SLC12A7: variants seen among roughly 807,000 people sequenced by gnomAD.
SLC12A7 encodes the protein solute carrier family 12 member 7.
A neutral mutation model predicts 120.6 loss-of-function variants in SLC12A7; 100 were observed. The ratio of observed to expected loss-of-function variants is 0.83; its 90% CI spans 0.71 to 0.98. SLC12A7 has a LOEUF of 0.98. Among genes scored for constraint, SLC12A7 ranks in the 50% least tolerant of loss-of-function variants. The probability of loss-of-function intolerance (pLI) is 0.00; values close to 1 mark genes in which losing one functional copy is unlikely to be tolerated. For missense variants in SLC12A7, 1,373 were observed against 1,548.1 expected, an observed-to-expected ratio of 0.89 and a Z score of 1.90; for synonymous variants, 760 against 678.0, an observed-to-expected ratio of 1.12 and a Z score of -1.88.
In SLC12A7 at chr5:1,081,713, C is replaced by T. The variant is rs1429296618; in HGVS notation, c.1161G>A (p.Gly387=). The T allele has an allele frequency of 3.7e-6, 6 of 1,612,858 alleles. No individual in the cohort carries two copies. The highest frequency in any genetic ancestry group is 3.3e-5 in the Admixed American group (2 of 60,014). Residue 387 remains glycine, a synonymous_variant, in exon 9 of 24, where the codon GGG becomes GGA. Transcript: ENST00000264930. ...ENLWSTYAHA[G]AFVEKKGVPS... ...GCACACCTTTCTTCTCCACAAACGC[C>T]CCCGCGTGCGCGTACGTACTCCACA...
At chr5:1,151,209 G>C in the SLC12A7 span, among the ~76,000 whole-genome samples, 10 of 152,366 alleles carry the variant, frequency 6.6e-5, no homozygotes, top group South Asian at 2.1e-4. The surrounding 1 kb of genome is among the most constrained non-coding windows in gnomAD (Gnocchi z 6.2). Context: ...TTCCCAGCCA[G>C]AGCAGTTTCC....
intron 1 of SLC12A7, among the ~76,000 whole-genome samples, chr5:1,098,107 C>T (rs1741495766): frequency 7.0e-6 from 1 of 143,090 alleles, no homozygotes; most frequent in East Asian, 2.1e-4. Context: ...CTCTGCACAC[C>T]CAGCCCCCCT....
chr5:1,140,702 G>A, the SLC12A7 span, among the ~76,000 whole-genome samples: 13 of 152,250 alleles, frequency 8.5e-5, no homozygotes, highest in South Asian at 4.1e-4. Context: ...AACGAGAGGC[G>A]CAAGGGCGGA....
Position 1,052,093 on chromosome 5 carries a change from A to G in SLC12A7, c.*267T>C, listed in dbSNP as rs1038682277. The G allele has an allele frequency of 3.8e-6, 2 of 519,654 alleles. No individual in the cohort carries two copies. Among genetic ancestry groups the G allele is most frequent in the Non-Finnish European group, 6.8e-6 (2 of 293,030 alleles). The allele number at this position is 519,654 out of a possible 1,614,324, so 32.2% of individuals were successfully genotyped here. A position where few individuals can be genotyped will look rare whatever the true frequency, so the allele number is the denominator to read the frequency against. On this transcript the variant is annotated 3_prime_UTR_variant, in exon 24 of 24. Coordinates refer to ENST00000264930, the MANE Select transcript of SLC12A7 (RefSeq NM_006598.3). Reference sequence around the variant, plus strand: ...TTGTGACCTGCGAGAAGATCTGGCCACGTCCAGGTCACTCCGGTAGCAGCG... The same window carrying G: ...TTGTGACCTGCGAGAAGATCTGGCCGCGTCCAGGTCACTCCGGTAGCAGCG...
intron 1 of SLC12A7, among the ~76,000 whole-genome samples, chr5:1,110,200 C>T (rs934199718): frequency 3.9e-5 from 6 of 152,258 alleles, no homozygotes; most frequent in African/African-American, 4.8e-5. Flanking sequence ...AGCACAAAAG[C>T]GCCAGGTGCA....
intron 1 of SLC12A7, among the ~76,000 whole-genome samples, chr5:1,096,788 G>T: frequency 2.4e-5 from 1 of 40,904 alleles, no homozygotes; most frequent in African/African-American, 9.8e-5. Flanking sequence ...GGGGAGGGAG[G>T]GAAGGAAGGA....
intron 1 of SLC12A7, among the ~76,000 whole-genome samples, chr5:1,101,855 C>T (rs1024981255): frequency 6.6e-6 from 1 of 151,318 alleles, no homozygotes; most frequent in African/African-American, 2.4e-5. Flanking sequence ...CTGGCTGCAG[C>T]CGCCTGGGCA....
chr5:1,104,671 C>T (rs1435083017), intron 1 of SLC12A7, among the ~76,000 whole-genome samples: 3 of 63,612 alleles, frequency 4.7e-5, no homozygotes, highest in Admixed American at 3.9e-4. Context: ...AGCCGAGGCC[C>T]ACCGGGGGGT....
the SLC12A7 span, among the ~76,000 whole-genome samples, chr5:1,149,720 G>A: frequency 6.6e-6 from 1 of 152,076 alleles, no homozygotes; most frequent in Non-Finnish European, 1.5e-5. Context: ...TATCATTTGT[G>A]TATCTTTTTG....
chr5:1,076,284 G>A, intron 13 of SLC12A7, 48 bp from the exon 14 acceptor site: 4 of 1,503,448 alleles, frequency 2.7e-6, no homozygotes, highest in Non-Finnish European at 3.6e-6. Context: ...GCCCCCCTGA[G>A]CCCCCAGTCA....
At chr5:1,132,827 G>A in the SLC12A7 span, among the ~76,000 whole-genome samples, 6 of 152,250 alleles carry the variant, frequency 3.9e-5, no homozygotes, top group East Asian at 1.9e-4. Context: ...TAGGGCTGCC[G>A]GATAAGACAC....
At chr5:1,112,237 C>T (rs1028121710), upstream of SLC12A7, among the ~76,000 whole-genome samples, 4 of 151,920 alleles carry the variant, frequency 2.6e-5, no homozygotes, top group African/African-American at 9.7e-5. Flanking sequence ...CTTTCGCTGC[C>T]TGCGCTCCCG....
intron 11 of SLC12A7, 127 bp from the exon 12 acceptor site, chr5:1,078,134 G>A (rs900805641): frequency 2.0e-5 from 23 of 1,164,258 alleles, no homozygotes; most frequent in Admixed American, 8.9e-5. Context: ...GCTGAGGCCC[G>A]GCCTCCAGTC....
the SLC12A7 span, among the ~76,000 whole-genome samples, chr5:1,123,863 A>G: frequency 6.6e-6 from 1 of 152,224 alleles, no homozygotes; most frequent in African/African-American, 2.4e-5. Context: ...AGAGAAGAGG[A>G]AACATGTTTG....
At position 1,052,423 on chromosome 5, in the gene SLC12A7, C is replaced by G. The variant is rs1735141637; in HGVS notation, c.3189G>C (p.Glu1063Asp). 6.2e-7 allele frequency: 1 copy of G among 1,612,792 alleles called. No individual in the cohort carries two copies. The highest frequency in any genetic ancestry group is 8.5e-7 in the Non-Finnish European group (1 of 1,179,984). The change falls in exon 24 of 24, where the codon GAG (glutamate) becomes GAC (aspartate). Residue 1063 changes from glutamate (E) to aspartate (D), a missense_variant. By Grantham distance (45) the Glu-to-Asp change is conservative. Coordinates refer to ENST00000264930, the MANE Select transcript of SLC12A7 (RefSeq NM_006598.3). ...NYMEFLEVLT[E>D]GLNRVLLVRG... The stretch of plus-strand genomic sequence containing the variant: ...TGACCAGGAGGACTCTGTTCAGCCC[C>G]TCGGTCAGGACTTCAAGAAACTCCA...
chr5:1,121,047 G>A, the SLC12A7 span, among the ~76,000 whole-genome samples: 2 of 152,188 alleles, frequency 1.3e-5, no homozygotes, highest in Admixed American at 6.5e-5. Flanking sequence ...CGGTAGACTC[G>A]GTGCATCCTG....
At chr5:1,087,289 T>C (rs1739976069) in intron 5 of SLC12A7, among the ~76,000 whole-genome samples, 1 of 151,750 alleles carries the variant, frequency 6.6e-6, no homozygotes, top group Non-Finnish European at 1.5e-5. Context: ...GGGATAAGGC[T>C]CTCTGGGGAG....
At chr5:1,141,242 T>G in the SLC12A7 span, among the ~76,000 whole-genome samples, 1 of 152,310 alleles carries the variant, frequency 6.6e-6, no homozygotes, top group East Asian at 1.9e-4. Flanking sequence ...ATTCCCCCTT[T>G]TAATAAGGAC....
At chr5:1,087,456 C>T (rs1279884636) in intron 5 of SLC12A7, among the ~76,000 whole-genome samples, 5 of 152,272 alleles carry the variant, frequency 3.3e-5, no homozygotes, top group African/African-American at 1.2e-4. Flanking sequence ...CTATCACTGG[C>T]GGGAAAGCCG....
Sources: gnomAD v4.1 joint callset for allele counts (sites outside exome capture counted in the v4.1 genomes callset) on GRCh38, gnomAD v4.1.1 for gene constraint, Gnocchi (gnomAD v3.1) non-coding constraint, MANE v1.5 for transcripts, NCBI Gene and HGNC (gene_info 2026-07-23, HGNC 2026-07-21) for gene names.